CLCN1: variants seen among roughly 807,000 people sequenced by gnomAD.
CLCN1 encodes the protein chloride voltage-gated channel 1, also known as chloride channel protein 1.
A neutral mutation model predicts 114.5 loss-of-function variants in CLCN1; 100 were observed. The observed-to-expected ratio is 0.87, with a 90% CI of 0.74 to 1.03. The LOEUF (loss-of-function observed/expected upper bound fraction) is 1.03. Among genes scored for constraint, CLCN1 ranks in the 50% least tolerant of loss-of-function variants. The pLI, the probability that CLCN1 is intolerant of heterozygous loss-of-function variation, is 0.00. For missense variants in CLCN1, 1,188 were observed against 1,250.0 expected, an observed-to-expected ratio of 0.95 and a Z score of 0.75; for synonymous variants, 485 against 487.1, an observed-to-expected ratio of 1.00 and a Z score of 0.06.
In CLCN1 at chr7:143,321,717, T is replaced by A. The variant is rs751167296; in HGVS notation, c.565T>A (p.Ser189Thr). ...CHLISPQAVG[S>T]GIPEMKTILR... is the part of the protein sequence containing the mutation. ...ACATAATCTTTCAACGCTTTTAGGC[T>A]CTGGAATCCCCGAAATGAAGACAAT... Residue 189 changes from serine (S) to threonine (T), a missense_variant and splice_region_variant, in exon 5 of 23, where the codon TCT becomes ACT. Coordinates refer to ENST00000343257, the MANE Select transcript of CLCN1 (RefSeq NM_000083.3). The surrounding 1 kb of genome is among the most constrained non-coding windows in gnomAD (Gnocchi z 4.2). The A allele has an allele frequency of 1.2e-6, 2 of 1,614,256 alleles. No homozygotes were observed. Among genetic ancestry groups the A allele is most frequent in the South Asian group, 2.2e-5 (2 of 91,088 alleles).
At chr7:143,320,024 T>C in intron 2 of CLCN1, 149 bp downstream of exon 2, 2 of 830,984 alleles carry the variant, frequency 2.4e-6, no homozygotes, top group Non-Finnish European at 3.9e-6. Context: ...GGTCTCACTC[T>C]GTCATTCAGA....
chr7:143,320,588 T>C, intron 2 of CLCN1, 76 bp from the exon 3 acceptor site: 1 of 1,251,590 alleles, frequency 8.0e-7, no homozygotes, highest in Non-Finnish European at 1.1e-6. Flanking sequence ...TCTCTCTCTG[T>C]CTCTACATAT....
chr7:143,346,277 AACTC>A (rs762555361), intron 18 of CLCN1, 26 bp downstream of exon 18: 18 of 1,478,336 alleles, frequency 1.2e-5, no homozygotes, highest in African/African-American at 2.8e-5. Flanking sequence ...CATGCACCCC[AACTC>A]ACCCCTTGTG....
intron 16 of CLCN1, 149 bp from the exon 17 acceptor site, chr7:143,345,372 G>T: frequency 9.5e-7 from 1 of 1,054,816 alleles, no homozygotes; most frequent in Non-Finnish European, 1.3e-6. Context: ...AATCTTGGAG[G>T]ATTCTTAAAA....
Position 143,350,390 on chromosome 7 carries a change from G to C in CLCN1, c.2422G>C (p.Glu808Gln). 3.1e-6 allele frequency: 5 copies of C among 1,614,050 alleles called. No individual in the cohort carries two copies. The highest frequency in any genetic ancestry group is 4.2e-6 in the Non-Finnish European group (5 of 1,179,960). Residue 808 changes from glutamate to glutamine, a missense_variant, in exon 21 of 23, where the codon GAG (glutamate) becomes CAG (glutamine). Glu to Gln is a conservative substitution (Grantham distance 29). Coordinates refer to ENST00000343257, the MANE Select transcript of CLCN1 (RefSeq NM_000083.3). The surrounding 1 kb of genome is among the most constrained non-coding windows in gnomAD (Gnocchi z 5.1). Reference protein sequence around the residue: ...SPEEIEAWEQEQLSQPVCFDS... With the variant: ...SPEEIEAWEQQQLSQPVCFDS... ...CTGACAGATTGAGGCCTGGGAGCAG[G>C]AGCAGCTGAGCCAGCCTGTCTGTTT... is the stretch of plus-strand genomic sequence containing the variant.
rs749205522 is a variant in CLCN1 at position 143,350,610 on chromosome 7, G to A, written c.2551G>A (p.Val851Met). ...ACTCCTTGGCCTCCACCTCGCTTAC[G>A]TGACCAGCATGGGGAAGCTCAGGGG... is the stretch of plus-strand genomic sequence containing the variant. ...FSLLGLHLAY[V>M]TSMGKLRGVL... Residue 851 changes from valine to methionine, a missense_variant, in exon 22 of 23, where the codon GTG becomes ATG. Val to Met is a conservative substitution (Grantham distance 21). Transcript: ENST00000343257. This position sits in a 1 kb window ranked among gnomAD's most constrained non-coding sequence, Gnocchi z 5.1. The A allele has an allele frequency of 2.2e-5, 35 of 1,614,008 alleles. No homozygotes were observed. Among genetic ancestry groups the A allele is most frequent in the African/African-American group, 4.0e-5 (3 of 74,896 alleles).
rs1338978465 is a variant in CLCN1 at position 143,342,014 on chromosome 7, C to T, written c.1668C>T (p.Ile556=). ...CFELTGQIAH[I]LPMMVAVILA... ...AATTAACGGGTCAGATTGCTCACAT[C>T]CTGCCCATGATGGTGGCTGTTATCT... is the stretch of plus-strand genomic sequence containing the variant. Residue 556 remains isoleucine, a synonymous_variant, in exon 15 of 23, where the codon ATC becomes ATT. Transcript: ENST00000343257. 12 of 1,614,210 alleles carry T rather than the reference C, an allele frequency of 7.4e-6. No individual in the cohort carries two copies. The highest frequency in any genetic ancestry group is 9.3e-6 in the Non-Finnish European group (11 of 1,180,030).
chr7:143,328,890 A>G (rs571963252), intron 7 of CLCN1, among the ~76,000 whole-genome samples: 1 of 151,432 alleles, frequency 6.6e-6, no homozygotes, highest in Non-Finnish European at 1.5e-5. Context: ...TCCCCTGCTC[A>G]TCCAGAGAAT....
At chr7:143,351,472 T>G (rs558872562) in intron 22 of CLCN1, 122 bp from the exon 23 acceptor site, 2 of 1,091,600 alleles carry the variant, frequency 1.8e-6, no homozygotes, top group Non-Finnish European at 2.7e-6. Context: ...GTTTTGCCAC[T>G]CTATATCTTT....
At chr7:143,347,775 C>CG (rs1429451658) in intron 20 of CLCN1, among the ~76,000 whole-genome samples, 5 of 152,078 alleles carry the variant, frequency 3.3e-5, no homozygotes, top group African/African-American at 1.2e-4. Context: ...ATAATGACCA[C>CG]GGTGCCTCCT....
At chr7:143,343,750 TTCTC>T (rs1293322116) in intron 16 of CLCN1, among the ~76,000 whole-genome samples, 1 of 150,660 alleles carries the variant, frequency 6.6e-6, no homozygotes, top group Non-Finnish European at 1.5e-5. Flanking sequence ...TTCTTTCTCT[TTCTC>T]TCTCTCTCCC....
intron 12 of CLCN1, among the ~76,000 whole-genome samples, chr7:143,338,598 C>A (rs1261980064): frequency 6.6e-6 from 1 of 151,978 alleles, no homozygotes; most frequent in Non-Finnish European, 1.5e-5. Context: ...CCAGCCGGGG[C>A]AACATGGCAA....
Position 143,334,580 on chromosome 7 carries a change from T to C in CLCN1, c.1401+1707T>C, listed in dbSNP as rs554480404. 2.4e-4 allele frequency among the ~76,000 whole-genome samples: 36 copies of C among 152,288 alleles called. No individual in the cohort carries two copies. The South Asian group carries it at 7.2e-3, about 31-fold the overall frequency. On this transcript the variant is annotated intron_variant, in intron 12 of 22. Coordinates refer to ENST00000343257, the MANE Select transcript of CLCN1 (RefSeq NM_000083.3). ...CTTATGCTTGCAACAGAAAAAAAAT[T>C]TTTAAATATTTTAAAACGTTCTATT...
At chr7:143,335,649 T>G (rs1334364365) in intron 12 of CLCN1, among the ~76,000 whole-genome samples, 1 of 145,538 alleles carries the variant, frequency 6.9e-6, no homozygotes, top group Non-Finnish European at 1.5e-5. Flanking sequence ...AGATTCTCAA[T>G]TCAGCTGTTT....
In CLCN1 at chr7:143,346,633, G is replaced by T. The variant is rs529481237; in HGVS notation, c.2339G>T (p.Arg780Leu). Reference sequence around the variant, plus strand: ...CTTCACTGCTTGCTGGGCAGAGCTCGCCCCACAAAGAAGAAAACAACCCAG... The same window carrying T: ...CTTCACTGCTTGCTGGGCAGAGCTCTCCCCACAAAGAAGAAAACAACCCAG... ...SLLHCLLGRA[R>L]PTKKKTTQDS... The change falls in exon 19 of 23, where the codon CGC becomes CTC. Residue 780 changes from arginine to leucine, a missense_variant. Coordinates refer to ENST00000343257, the MANE Select transcript of CLCN1 (RefSeq NM_000083.3). 6.2e-6 allele frequency: 10 copies of T among 1,613,566 alleles called. No homozygotes were observed. The highest frequency in any genetic ancestry group is 8.5e-6 in the Non-Finnish European group (10 of 1,179,912).
chr7:143,320,840 C>A, intron 3 of CLCN1, 45 bp downstream of exon 3: 1 of 1,612,206 alleles, frequency 6.2e-7, no homozygotes, highest in Non-Finnish European at 8.5e-7. Context: ...TCTGGAGTTT[C>A]TACCTAGGGT....
Position 143,336,675 on chromosome 7 carries a change from G to A in CLCN1, c.1402-2578G>A, listed in dbSNP as rs6958047. ...GAAGGAAGGGAAAGAAAGAAAGAAAGAGAAAGAAGAAAGTCTTGGGAGTTA... is the reference window on the plus strand; with the variant it reads ...GAAGGAAGGGAAAGAAAGAAAGAAAAAGAAAGAAGAAAGTCTTGGGAGTTA... On this transcript the variant is annotated intron_variant, in intron 12 of 22. Transcript: ENST00000343257. 5.6e-4 allele frequency among the ~76,000 whole-genome samples: 84 copies of A among 148,686 alleles called. No homozygotes were observed. The East Asian group carries it at 0.013, about 22-fold the overall frequency.
chr7:143,337,993 A>AT (rs1173900943), intron 12 of CLCN1, among the ~76,000 whole-genome samples: 6 of 150,104 alleles, frequency 4.0e-5, no homozygotes, highest in African/African-American at 7.4e-5. Flanking sequence ...TGCCTGGCTA[A>AT]TTTATTTTTT....
At chr7:143,340,701 T>G (rs1034431632) in intron 14 of CLCN1, among the ~76,000 whole-genome samples, 2 of 152,176 alleles carry the variant, frequency 1.3e-5, no homozygotes, top group East Asian at 3.9e-4. Flanking sequence ...TCTGGCTAAT[T>G]TTTGTAATTT....
Sources: allele counts gnomAD v4.1 joint callset (sites outside exome capture counted in the v4.1 genomes callset), GRCh38; gene constraint gnomAD v4.1.1; non-coding constraint Gnocchi (gnomAD v3.1); transcripts MANE v1.5; gene names NCBI Gene and HGNC (gene_info 2026-07-23, HGNC 2026-07-21).